The following RNF213 variants were observed in gnomAD, a reference collection of about 807,000 sequenced individuals.
RNF213 encodes ring finger protein 213, also known as E3 ubiquitin-protein ligase RNF213.
A neutral mutation model predicts 514.4 loss-of-function variants in RNF213; 341 were observed. The ratio of observed to expected loss-of-function variants is 0.66; its 90% CI spans 0.61 to 0.73. The LOEUF (loss-of-function observed/expected upper bound fraction) is 0.73, where lower values mean the gene tolerates loss of function less well. Among genes scored for constraint, RNF213 ranks in the 30% least tolerant of loss-of-function variants. The pLI, the probability that RNF213 is intolerant of heterozygous loss-of-function variation, is 0.00. For synonymous variants in RNF213, 2,655 were observed against 2,658.2 expected, an observed-to-expected ratio of 1.00 and a Z score of 0.04; for missense variants, 5,767 against 6,615.6, an observed-to-expected ratio of 0.87 and a Z score of 4.45.
At chr17:80,318,864 C>T (rs181310243) in intron 16 of RNF213, among the ~76,000 whole-genome samples, 1,830 of 152,302 alleles carry the variant, frequency 0.012, 20 homozygotes, top group Non-Finnish European at 0.016. Flanking sequence ...TGAGCCACCG[C>T]GCCCGGCCTA....
intron 50 of RNF213, chr17:80,374,953 A>G (rs2079687140): frequency 3.3e-6 from 1 of 307,272 alleles, no homozygotes; most frequent in Non-Finnish European, 6.4e-6. Context: ...TCATACCTAG[A>G]TGTATTCATA....
At chr17:80,393,018 C>G (rs2080543781) in intron 67 of RNF213, among the ~76,000 whole-genome samples, 1 of 151,976 alleles carries the variant, frequency 6.6e-6, no homozygotes, top group South Asian at 2.1e-4. Flanking sequence ...CTCACTGTGG[C>G]CCAGGCTGGA....
rs2077918380 is a variant in RNF213 at position 80,334,213 on chromosome 17, C to A, written c.4252C>A (p.Leu1418Met). 6.5e-7 allele frequency: 1 copy of A among 1,537,220 alleles called. No homozygotes were observed. The highest frequency in any genetic ancestry group is 8.7e-7 in the Non-Finnish European group (1 of 1,146,878). Residue 1418 changes from leucine (L) to methionine (M), a missense_variant, in exon 22 of 68, where the codon CTG (leucine) becomes ATG (methionine). Physicochemically the swap from Leu to Met is conservative, Grantham distance 15 (BLOSUM62 2). Around this residue, in one of 13 missense-constraint regions of RNF213, gnomAD observed 516 missense variants for 566.5 expected, o/e 0.91. Coordinates refer to ENST00000582970, the MANE Select transcript of RNF213 (RefSeq NM_001256071.3). ...CATCAGCGAGGCCCGGTGCAAGGGG[C>A]TGCAGGCTCTGTCCCTGAGAAAGGA... ...QDISEARCKG[L>M]QALSLRKEFI...
At chr17:80,322,286 G>A (rs1184085773) in intron 17 of RNF213, among the ~76,000 whole-genome samples, 1 of 149,758 alleles carries the variant, frequency 6.7e-6, no homozygotes, top group Non-Finnish European at 1.5e-5. Flanking sequence ...TTAGCCTCCC[G>A]AGTAGCAGGG....
At chr17:80,335,537 T>C (rs1247951758) in intron 22 of RNF213, among the ~76,000 whole-genome samples, 2 of 152,192 alleles carry the variant, frequency 1.3e-5, no homozygotes, top group East Asian at 1.9e-4. Flanking sequence ...ATTGTGAACA[T>C]GTTATTTACA....
At chr17:80,279,472 C>CT (rs1226970386) in intron 3 of RNF213, among the ~76,000 whole-genome samples, 2,026 of 149,000 alleles carry the variant, frequency 0.014, 36 homozygotes, top group African/African-American at 0.044. Context: ...TTCTTTCTTT[C>CT]TTTTTTTTTT....
intron 2 of RNF213, among the ~76,000 whole-genome samples, chr17:80,270,406 A>T (rs2043781950): frequency 6.6e-6 from 1 of 152,192 alleles, no homozygotes; most frequent in Admixed American, 6.5e-5. Context: ...TCAGGCTGGC[A>T]CATTTACAAT....
rs151191387 is a variant in RNF213 at position 80,294,841 on chromosome 17, G to T, written c.1593G>T (p.Ala531=). ...DLVKGKQIAA[A]LMLDSTFSIL... is the part of the protein sequence containing the mutation. ...TGAAGGGGAAGCAGATTGCCGCTGC[G>T]CTCATGCTGGACAGCACCTTCAGCA... The change falls in exon 9 of 68, where the codon GCG becomes GCT. Residue 531 remains alanine, a synonymous_variant. Transcript: ENST00000582970. The T allele has an allele frequency of 6.2e-7, 1 of 1,614,192 alleles. No individual in the cohort carries two copies. Among genetic ancestry groups the T allele is most frequent in the Non-Finnish European group, 8.5e-7 (1 of 1,180,046 alleles).
intron 17 of RNF213, among the ~76,000 whole-genome samples, chr17:80,322,145 T>TTC (rs2046157111): frequency 4.2e-4 from 37 of 88,668 alleles, no homozygotes; most frequent in Non-Finnish European, 5.6e-4. Context: ...TTGCCCCTCA[T>TTC]CCCCCCCACC....
chr17:80,386,214 C>T, intron 61 of RNF213, 36 bp from the exon 62 acceptor site: 2 of 1,595,284 alleles, frequency 1.3e-6, no homozygotes, highest in South Asian at 2.2e-5. Context: ...GGAGTTGGAA[C>T]TCCTCTCTGC....
chr17:80,381,643 G>C lies in RNF213; in HGVS notation c.13894G>C (p.Gly4632Arg). 1.2e-6 allele frequency: 2 copies of C among 1,614,200 alleles called. No homozygotes were observed. The highest frequency in any genetic ancestry group is 1.7e-6 in the Non-Finnish European group (2 of 1,180,044). ...KDLEQLAKML[G>R]HSADETIGVV... ...CCTGGAGCAGTTGGCCAAGATGCTG[G>C]GACACAGTGCCGACGAGACCATCGG... Residue 4632 changes from glycine (G) to arginine (R), a missense_variant, in exon 57 of 68, where the codon GGA becomes CGA. Gly to Arg is a moderately radical substitution (Grantham distance 125). This residue lies in a region of RNF213 where 1,245 missense variants were observed against 1,339.0 expected (regional missense o/e 0.93). Transcript: ENST00000582970.
intron 17 of RNF213, among the ~76,000 whole-genome samples, chr17:80,323,745 A>G (rs921973292): frequency 3.3e-5 from 5 of 149,712 alleles, no homozygotes; most frequent in African/African-American, 7.5e-5. Flanking sequence ...ATGAGCCACC[A>G]TTCCTGGCCA....
In RNF213 at chr17:80,354,472, C is replaced by T; in HGVS notation, c.10758C>T (p.Leu3586=). Residue 3586 remains leucine, a synonymous_variant, in exon 36 of 68, where the codon CTC becomes CTT. Coordinates refer to ENST00000582970, the MANE Select transcript of RNF213 (RefSeq NM_001256071.3). ...ASFLRVSKMR[L]SVFLKKQEES... The stretch of plus-strand genomic sequence containing the variant: ...TCTTGCGGGTATCCAAGATGCGCCT[C>T]AGTGTCTTTTTAAAGAAGCAAGAAG... 6.2e-7 allele frequency: 1 copy of T among 1,614,198 alleles called. No homozygotes were observed. Among genetic ancestry groups the T allele is most frequent in the Non-Finnish European group, 8.5e-7 (1 of 1,180,026 alleles).
At chr17:80,363,480 A>T in intron 40 of RNF213, 129 bp from the exon 41 acceptor site, 3 of 1,241,300 alleles carry the variant, frequency 2.4e-6, no homozygotes, top group Non-Finnish European at 3.5e-6. Flanking sequence ...GACGCTTCTC[A>T]CATCCTAGAC....
intron 3 of RNF213, among the ~76,000 whole-genome samples, chr17:80,286,509 T>G (rs1248273206): frequency 2.0e-5 from 3 of 152,056 alleles, no homozygotes; most frequent in African/African-American, 7.3e-5. Context: ...GAACGCAGCC[T>G]CCTCCTTGGG....
At chr17:80,369,253 C>T (rs1599154514) in intron 44 of RNF213, among the ~76,000 whole-genome samples, 1 of 152,138 alleles carries the variant, frequency 6.6e-6, no homozygotes, top group Non-Finnish European at 1.5e-5. Context: ...ACAAAATTAG[C>T]CAGGCGTGAT....
At chr17:80,305,184 C>CTTTTATTTTTT (rs2045312945) in intron 11 of RNF213, among the ~76,000 whole-genome samples, 1 of 127,468 alleles carries the variant, frequency 7.8e-6, no homozygotes, top group African/African-American at 3.5e-5. Context: ...CAGCAGTGAA[C>CTTTTATTTTTT]TTTTTTTTTT....
chr17:80,305,472 C>T (rs2045326072), intron 11 of RNF213, among the ~76,000 whole-genome samples: 1 of 151,976 alleles, frequency 6.6e-6, no homozygotes, highest in South Asian at 2.1e-4. Flanking sequence ...GCCACTGCGC[C>T]CGGCCTGATT....
chr17:80,343,773 G>A lies in RNF213; in HGVS notation c.6184-84G>A. On this transcript the variant is annotated intron_variant, in intron 27 of 67. Coordinates refer to ENST00000582970, the MANE Select transcript of RNF213 (RefSeq NM_001256071.3). The surrounding 1 kb of genome is among the most constrained non-coding windows in gnomAD (Gnocchi z 4.3). The stretch of plus-strand genomic sequence containing the variant: ...TGATCATCAGGATCATCGTGACAAA[G>A]AGCAAAATAAGGAGGGGTTACTTAG... 1 of 1,430,544 alleles carries A rather than the reference G, an allele frequency of 7.0e-7. No individual in the cohort carries two copies. Among genetic ancestry groups the A allele is most frequent in the Non-Finnish European group, 9.9e-7 (1 of 1,014,474 alleles). The allele number at this position is 1,430,544 out of a possible 1,614,324, so 88.6% of individuals were successfully genotyped here.
Sources: allele counts gnomAD v4.1 joint callset (sites outside exome capture counted in the v4.1 genomes callset), GRCh38; gene constraint gnomAD v4.1.1; regional missense constraint gnomAD v4.1.1; non-coding constraint Gnocchi (gnomAD v3.1); transcripts MANE v1.5; gene names NCBI Gene and HGNC (gene_info 2026-07-23, HGNC 2026-07-21).